Variants in ABCA13 observed in about 807,000 individuals in gnomAD.
ABCA13 encodes the protein ATP-binding cassette sub-family A member 13.
ABCA13 carries 476 observed loss-of-function variants against 478.7 expected under a neutral mutation model. That is an observed-to-expected ratio of 0.99 (90% confidence interval 0.92 to 1.07). ABCA13 has a LOEUF of 1.07. Ranked by LOEUF, ABCA13 falls within the 50% of genes least tolerant of loss-of-function variation. The pLI, the probability that ABCA13 is intolerant of heterozygous loss-of-function variation, is 0.00. For missense variants in ABCA13, 6,060 were observed against 5,910.6 expected, an observed-to-expected ratio of 1.03 and a Z score of -0.83; for synonymous variants, 2,252 against 2,158.9, an observed-to-expected ratio of 1.04 and a Z score of -1.20.
intron 27 of ABCA13, among the ~76,000 whole-genome samples, chr7:48,326,886 G>C (rs1285016148): frequency 6.6e-6 from 1 of 152,170 alleles, no homozygotes; most frequent in Non-Finnish European, 1.5e-5. Context: ...GGAATATCGG[G>C]TTATGATGGG....
At chr7:48,176,183 G>A (rs895254799) in intron 1 of ABCA13, among the ~76,000 whole-genome samples, 1 of 151,992 alleles carries the variant, frequency 6.6e-6, no homozygotes, top group Non-Finnish European at 1.5e-5. Context: ...TTCCTTCCCC[G>A]CCCAACTGGA....
chr7:48,275,137 G>A lies in ABCA13; in HGVS notation c.5471G>A (p.Cys1824Tyr). ...EALACFPVVW[C>Y]WNHTNSGFRQ... is the part of the protein sequence containing the mutation. ...TTAGCTTGTTTTCCTGTGGTTTGGT[G>A]CTGGAATCACACAAATTCTGGATTT... Residue 1824 changes from cysteine (C) to tyrosine (Y), a missense_variant, in exon 17 of 62, where the codon TGC (cysteine) becomes TAC (tyrosine). Physicochemically the swap from Cys to Tyr is radical, Grantham distance 194. Coordinates refer to ENST00000435803, the MANE Select transcript of ABCA13 (RefSeq NM_152701.5). 2 of 1,613,858 alleles carry A rather than the reference G, an allele frequency of 1.2e-6. No homozygotes were observed. Among genetic ancestry groups the A allele is most frequent in the African/African-American group, 1.3e-5 (1 of 75,040 alleles).
chr7:48,284,689 A>T (rs1468836837), intron 19 of ABCA13, among the ~76,000 whole-genome samples: 9 of 152,238 alleles, frequency 5.9e-5, no homozygotes, highest in African/African-American at 1.9e-4. Context: ...AATATAGCAT[A>T]CTTGAGATTA....
At chr7:48,576,266 C>T (rs1039505022) in intron 55 of ABCA13, among the ~76,000 whole-genome samples, 4 of 152,052 alleles carry the variant, frequency 2.6e-5, no homozygotes, top group African/African-American at 9.7e-5. Context: ...GACCCAGAAG[C>T]AGAAGTCACC....
intron 60 of ABCA13, 28 bp from the exon 61 acceptor site, chr7:48,644,589 C>CTTTTTTTT (rs71006572): frequency 2.8e-6 from 4 of 1,413,344 alleles, no homozygotes; most frequent in African/African-American, 3.3e-5. Context: ...TTATATGATA[C>CTTTTTTTT]TTTTTTTTTT....
chr7:48,285,437 C>G (rs373370174), intron 19 of ABCA13, among the ~76,000 whole-genome samples: 1 of 152,128 alleles, frequency 6.6e-6, no homozygotes, highest in Non-Finnish European at 1.5e-5. Context: ...TTGTTAGTGT[C>G]GAGACAGTTG....
intron 42 of ABCA13, among the ~76,000 whole-genome samples, chr7:48,448,339 A>C (rs1298298486): frequency 6.6e-6 from 1 of 152,248 alleles, no homozygotes; most frequent in Non-Finnish European, 1.5e-5. Context: ...TTGACCAGGT[A>C]GTATAAGCCC....
chr7:48,371,117 T>C (rs551796871), intron 32 of ABCA13, among the ~76,000 whole-genome samples: 2 of 152,322 alleles, frequency 1.3e-5, no homozygotes, highest in Non-Finnish European at 2.9e-5. Context: ...CTGAGATCTC[T>C]ATTCTGTTCC....
chr7:48,297,300 C>T lies in ABCA13; in HGVS notation c.9188C>T (p.Thr3063Ile), dbSNP rs912757653. Reference protein sequence around the residue: ...NPIMTFLSNFTVTEDVKIKDL... With the variant: ...NPIMTFLSNFIVTEDVKIKDL... ...ATCATGACTTTTCTCAGCAATTTCACAGTAACTGAGGGTAAGTATGTGGTT... is the reference window on the plus strand; with the variant it reads ...ATCATGACTTTTCTCAGCAATTTCATAGTAACTGAGGGTAAGTATGTGGTT... The change falls in exon 22 of 62, where the codon ACA becomes ATA. Residue 3063 changes from threonine (T) to isoleucine (I), a missense_variant. Coordinates refer to ENST00000435803, the MANE Select transcript of ABCA13 (RefSeq NM_152701.5). The T allele has an allele frequency of 4.4e-6, 7 of 1,607,436 alleles. No homozygotes were observed. The African/African-American group carries it at 5.3e-5, about 12-fold the overall frequency.
chr7:48,257,265 C>A (rs76532622), intron 15 of ABCA13, among the ~76,000 whole-genome samples: 3,424 of 152,130 alleles, frequency 0.023, 133 homozygotes, highest in African/African-American at 0.078. Context: ...TGGAGACTTC[C>A]TCTCTTCCTG....
intron 38 of ABCA13, 124 bp from the exon 39 acceptor site, chr7:48,403,559 C>A (rs925309763): frequency 1.0e-6 from 1 of 984,234 alleles, no homozygotes; most frequent in Non-Finnish European, 1.5e-6. Flanking sequence ...AGCATCCACA[C>A]CTCTGTGATA....
intron 55 of ABCA13, among the ~76,000 whole-genome samples, chr7:48,574,175 A>T (rs1787944455): frequency 6.6e-6 from 1 of 152,182 alleles, no homozygotes; most frequent in Admixed American, 6.5e-5. Context: ...AATTTTGATT[A>T]AATGAAAATA....
chr7:48,383,089 C>T (rs896322057), intron 35 of ABCA13, among the ~76,000 whole-genome samples: 1 of 152,154 alleles, frequency 6.6e-6, no homozygotes, highest in Non-Finnish European at 1.5e-5. Flanking sequence ...GTACAAAATG[C>T]TTAGTTATTC....
At chr7:48,267,086 A>G (rs1794965744) in intron 15 of ABCA13, among the ~76,000 whole-genome samples, 1 of 151,928 alleles carries the variant, frequency 6.6e-6, no homozygotes, top group Non-Finnish European at 1.5e-5. Flanking sequence ...GACTTGCTTT[A>G]TGGTCTGGAA....
intron 48 of ABCA13, among the ~76,000 whole-genome samples, chr7:48,502,143 T>G (rs373656214): frequency 6.6e-6 from 1 of 152,110 alleles, no homozygotes; most frequent in African/African-American, 2.4e-5. Flanking sequence ...AATGAGAAAA[T>G]GTATTATGAA....
Position 48,275,273 on chromosome 7 carries a change from A to C in ABCA13, c.5607A>C (p.Glu1869Asp), listed in dbSNP as rs758616473. 2 of 1,613,904 alleles carry C rather than the reference A, an allele frequency of 1.2e-6. No individual in the cohort carries two copies. The highest frequency in any genetic ancestry group is 1.6e-4 in the Middle Eastern group (1 of 6,062). ...ATTTCCACCTGTCTCCCCAAGGTGA[A>C]GATTCACCATGTTCAAATGAAAGCT... is the stretch of plus-strand genomic sequence containing the variant. ...LDHFHLSPQG[E>D]DSPCSNESSR... Residue 1869 changes from glutamate (E) to aspartate (D), a missense_variant, in exon 17 of 62, where the codon GAA (glutamate) becomes GAC (aspartate). Around this residue, in one of 3 missense-constraint regions of ABCA13, gnomAD observed 4,423 missense variants for 4,309.1 expected, o/e 1.03. Transcript: ENST00000435803.
At chr7:48,517,545 A>C (rs17132432) in intron 52 of ABCA13, among the ~76,000 whole-genome samples, 10,071 of 152,178 alleles carry the variant, frequency 0.066, 407 homozygotes, top group African/African-American at 0.11. Context: ...GTCTAGGTCA[A>C]GGTGAACCCA....
chr7:48,410,673 G>A lies in ABCA13; in HGVS notation c.12224G>A (p.Arg4075Lys). 6.2e-7 allele frequency: 1 copy of A among 1,612,510 alleles called. No individual in the cohort carries two copies. Among genetic ancestry groups the A allele is most frequent in the Non-Finnish European group, 8.5e-7 (1 of 1,178,878 alleles). Residue 4075 changes from arginine to lysine, a missense_variant, in exon 40 of 62, where the codon AGG becomes AAG. By Grantham distance (26) the Arg-to-Lys change is conservative. Coordinates refer to ENST00000435803, the MANE Select transcript of ABCA13 (RefSeq NM_152701.5). Reference protein sequence around the residue: ...YGQGLRLTLTRQPSVLEAHDL... With the variant: ...YGQGLRLTLTKQPSVLEAHDL... ...CAGGGGCTCCGCCTGACACTCACGA[G>A]GCAGGTAAGGAGTGCAACCATTCTA...
chr7:48,470,378 A>G (rs1827350270), intron 44 of ABCA13, among the ~76,000 whole-genome samples: 1 of 152,224 alleles, frequency 6.6e-6, no homozygotes, highest in African/African-American at 2.4e-5. Context: ...GTCATATATT[A>G]AATTATAAAC....
Sources: gnomAD v4.1 joint callset for allele counts (sites outside exome capture counted in the v4.1 genomes callset) on GRCh38, gnomAD v4.1.1 for gene constraint, gnomAD v4.1.1 regional missense constraint, MANE v1.5 for transcripts, NCBI Gene and HGNC (gene_info 2026-07-23, HGNC 2026-07-21) for gene names.